NXPH1: variants seen among roughly 807,000 people sequenced by gnomAD.
NXPH1 encodes the protein neurexophilin-1.
A neutral mutation model predicts 23.7 loss-of-function variants in NXPH1; 5 were observed. The observed-to-expected ratio is 0.21, with a 90% CI of 0.11 to 0.44. The LOEUF (loss-of-function observed/expected upper bound fraction) is 0.44, where lower values mean the gene tolerates loss of function less well. Among genes scored for constraint, NXPH1 ranks in the 20% least tolerant of loss-of-function variants. NXPH1 has a pLI of 0.99. For synonymous variants in NXPH1, 144 were observed against 122.2 expected (o/e 1.18, Z -1.18); for missense variants, 324 against 321.6 (o/e 1.01, Z -0.06).
intron 2 of NXPH1, among the ~76,000 whole-genome samples, chr7:8,566,633 A>G (rs986849095): frequency 3.3e-5 from 5 of 151,776 alleles, no homozygotes; most frequent in African/African-American, 9.7e-5. Flanking sequence ...CATCCTTGCA[A>G]TTCTTGGACT....
At chr7:8,444,441 C>T (rs567364598) in intron 2 of NXPH1, among the ~76,000 whole-genome samples, 70 of 152,302 alleles carry the variant, frequency 4.6e-4, no homozygotes, top group South Asian at 2.7e-3. Flanking sequence ...CCCGCCTCCA[C>T]CCACCGAGGT....
At chr7:8,560,451 A>G (rs758189612) in intron 2 of NXPH1, among the ~76,000 whole-genome samples, 25 of 151,666 alleles carry the variant, frequency 1.6e-4, no homozygotes, top group Non-Finnish European at 3.1e-4. Flanking sequence ...CTGTGGTCAT[A>G]GGGATACTCT....
At chr7:8,596,891 A>C (rs1355514858) in intron 2 of NXPH1, among the ~76,000 whole-genome samples, 1 of 152,158 alleles carries the variant, frequency 6.6e-6, no homozygotes, top group African/African-American at 2.4e-5. Context: ...TTAATATAGT[A>C]GGATAAATAT....
chr7:8,456,710 T>A (rs1816601910), intron 2 of NXPH1, among the ~76,000 whole-genome samples: 1 of 152,170 alleles, frequency 6.6e-6, no homozygotes, highest in Non-Finnish European at 1.5e-5. Flanking sequence ...ACTTTTTACA[T>A]CCAAATCCAT....
intron 2 of NXPH1, among the ~76,000 whole-genome samples, chr7:8,687,391 C>G (rs1364606788): frequency 6.6e-6 from 1 of 152,030 alleles, no homozygotes; most frequent in Non-Finnish European, 1.5e-5. Context: ...TAATTTTAGG[C>G]CCAGTATTAC....
intron 2 of NXPH1, among the ~76,000 whole-genome samples, chr7:8,604,010 A>T (rs1819420964): frequency 6.6e-6 from 1 of 152,104 alleles, no homozygotes; most frequent in Non-Finnish European, 1.5e-5. Context: ...CTTGGGACAA[A>T]TGCAATGAAG....
intron 2 of NXPH1, among the ~76,000 whole-genome samples, chr7:8,550,820 T>G (rs904636468): frequency 6.6e-5 from 10 of 151,542 alleles, no homozygotes; most frequent in African/African-American, 1.9e-4. Flanking sequence ...ATTTTAAATT[T>G]GAAATACCAT....
chr7:8,586,360 C>T (rs1051983212), intron 2 of NXPH1, among the ~76,000 whole-genome samples: 9 of 151,770 alleles, frequency 5.9e-5, no homozygotes, highest in Non-Finnish European at 1.2e-4. Context: ...GTATGGAATT[C>T]GATAATAATT....
intron 2 of NXPH1, among the ~76,000 whole-genome samples, chr7:8,574,666 A>C (rs895626710): frequency 6.6e-6 from 1 of 152,182 alleles, no homozygotes. Context: ...TTCCAAATTT[A>C]GAATCTATTT....
intron 2 of NXPH1, among the ~76,000 whole-genome samples, chr7:8,579,836 A>G (rs1818831817): frequency 6.6e-6 from 1 of 152,228 alleles, no homozygotes; most frequent in Admixed American, 6.5e-5. Context: ...TGGTCCAGCT[A>G]TAGCCATCCC....
intron 2 of NXPH1, among the ~76,000 whole-genome samples, chr7:8,723,119 T>A (rs1429579817): frequency 6.6e-6 from 1 of 152,248 alleles, no homozygotes; most frequent in Non-Finnish European, 1.5e-5. Flanking sequence ...TGTGTTTGCT[T>A]CGCATTTTAA....
Position 8,435,626 on chromosome 7 carries a change from C to T in NXPH1, c.-88C>T. ...TAGGCTGCTGAGAGCGCTCCTTGCTCTGTAAAGTGGATGTCAGGTGGATCT... is the reference window on the plus strand; with the variant it reads ...TAGGCTGCTGAGAGCGCTCCTTGCTTTGTAAAGTGGATGTCAGGTGGATCT... On this transcript the variant is annotated 5_prime_UTR_variant, in exon 2 of 3. Transcript: ENST00000405863. The surrounding 1 kb of genome is among the most constrained non-coding windows in gnomAD (Gnocchi z 5.9). 1 of 1,234,440 alleles carries T rather than the reference C, an allele frequency of 8.1e-7. No homozygotes were observed. Among genetic ancestry groups the T allele is most frequent in the Non-Finnish European group, 1.2e-6 (1 of 833,806 alleles). 76.5% of individuals were successfully genotyped at this position (1,234,440 alleles called of 1,614,324 possible).
rs554270597 is a variant in NXPH1 at position 8,618,117 on chromosome 7, G to T, written c.55-132891G>T. ...GCCGCAGGGTTCTTCTGCCCATAAGGAATTATGATTTCTGTCCAACCTACA... is the reference window on the plus strand; with the variant it reads ...GCCGCAGGGTTCTTCTGCCCATAAGTAATTATGATTTCTGTCCAACCTACA... On this transcript the variant is annotated intron_variant, in intron 2 of 2. Transcript: ENST00000405863. Among the ~76,000 whole-genome samples the T allele has an allele frequency of 2.0e-5, 3 of 152,220 alleles. No homozygotes were observed. In the South Asian group the frequency reaches 6.2e-4, roughly 32 times the overall value.
At chr7:8,620,078 C>A (rs995837393) in intron 2 of NXPH1, among the ~76,000 whole-genome samples, 1 of 152,128 alleles carries the variant, frequency 6.6e-6, no homozygotes, top group African/African-American at 2.4e-5. Flanking sequence ...GCCAGAGTAG[C>A]CGTTGACCTC....
intron 2 of NXPH1, among the ~76,000 whole-genome samples, chr7:8,745,978 C>T (rs1780463702): frequency 1.3e-5 from 2 of 152,114 alleles, no homozygotes; most frequent in African/African-American, 2.4e-5. Context: ...ACCTTCTCTA[C>T]CTTTCAACTT....
intron 2 of NXPH1, among the ~76,000 whole-genome samples, chr7:8,541,455 T>A (rs1818115710): frequency 1.3e-5 from 2 of 151,574 alleles, no homozygotes; most frequent in Admixed American, 1.3e-4. Context: ...CCAATTTTGA[T>A]AAAGTTATAA....
At chr7:8,557,163 G>T (rs1000547595) in intron 2 of NXPH1, among the ~76,000 whole-genome samples, 1 of 151,656 alleles carries the variant, frequency 6.6e-6, no homozygotes, top group South Asian at 2.1e-4. Context: ...GTCCATACAT[G>T]TGCTTATGGG....
chr7:8,661,220 A>C (rs894580219), intron 2 of NXPH1, among the ~76,000 whole-genome samples: 1 of 152,152 alleles, frequency 6.6e-6, no homozygotes, highest in Non-Finnish European at 1.5e-5. Context: ...TTGTTGCCTT[A>C]AGGTTTGCAG....
chr7:8,630,271 A>C (rs1029434770), intron 2 of NXPH1, among the ~76,000 whole-genome samples: 2 of 152,178 alleles, frequency 1.3e-5, no homozygotes, highest in Non-Finnish European at 2.9e-5. Flanking sequence ...ATTATTATTG[A>C]ATTTAATTCA....
Sources: allele counts gnomAD v4.1 joint callset (sites outside exome capture counted in the v4.1 genomes callset), GRCh38; gene constraint gnomAD v4.1.1; non-coding constraint Gnocchi (gnomAD v3.1); transcripts MANE v1.5; gene names NCBI Gene and HGNC (gene_info 2026-07-23, HGNC 2026-07-21).